RHBDD1: variants seen among roughly 807,000 people sequenced by gnomAD.
The protein encoded by RHBDD1 is rhomboid-related protein 4.
Under a neutral mutation model 36.3 loss-of-function variants are expected in RHBDD1, and 38 were observed. The ratio of observed to expected loss-of-function variants is 1.05; its 90% CI spans 0.81 to 1.37. The LOEUF (loss-of-function observed/expected upper bound fraction) is 1.37, where lower values mean the gene tolerates loss of function less well. Among genes scored for constraint, RHBDD1 ranks in the 40% most tolerant of loss-of-function variants. The pLI is 0.00. For synonymous variants in RHBDD1, 151 were observed against 136.5 expected, an observed-to-expected ratio of 1.11 and a Z score of -0.74; for missense variants, 393 against 377.6, an observed-to-expected ratio of 1.04 and a Z score of -0.34.
intron 5 of RHBDD1, among the ~76,000 whole-genome samples, chr2:226,892,084 G>A (rs533863115): frequency 6.6e-6 from 1 of 152,296 alleles, no homozygotes; most frequent in South Asian, 2.1e-4. Context: ...GGTGACTTTT[G>A]TTCACAAATG....
intron 5 of RHBDD1, among the ~76,000 whole-genome samples, chr2:226,905,202 T>A (rs754724113): frequency 2.0e-5 from 3 of 151,620 alleles, no homozygotes; most frequent in Non-Finnish European, 2.9e-5. Flanking sequence ...AATGTATGAA[T>A]GAGACACCAT....
In RHBDD1 at chr2:226,863,207, C is replaced by G. The variant is rs537818192; in HGVS notation, c.-90-1397C>G. On this transcript the variant is annotated intron_variant, in intron 3 of 8. Transcript: ENST00000392062. ...TACTAAAAATAGCCAGGCATGGTGA[C>G]ACATGCCTGTAATCCCAGCTACTCA... Among the ~76,000 whole-genome samples, 5 of 152,262 alleles carry G rather than the reference C, an allele frequency of 3.3e-5. No individual in the cohort carries two copies. In the South Asian group the frequency reaches 1.0e-3, roughly 32 times the overall value.
chr2:226,808,853 A>G, the RHBDD1 span, among the ~76,000 whole-genome samples: 1 of 151,474 alleles, frequency 6.6e-6, no homozygotes, highest in Admixed American at 6.6e-5. Flanking sequence ...ACAGTTCTTG[A>G]TGGAAGTAGT....
chr2:226,879,196 T>C (rs889938045), intron 5 of RHBDD1, among the ~76,000 whole-genome samples: 1 of 152,084 alleles, frequency 6.6e-6, no homozygotes, highest in African/African-American at 2.4e-5. Context: ...CTAAAATAAG[T>C]TTTTATGTGG....
At chr2:226,904,486 G>C (rs1947877521) in intron 5 of RHBDD1, among the ~76,000 whole-genome samples, 1 of 152,010 alleles carries the variant, frequency 6.6e-6, no homozygotes, top group African/African-American at 2.4e-5. Flanking sequence ...CTCCTGAGGG[G>C]ATGATCGTGT....
chr2:226,990,853 A>T (rs1395727096), intron 8 of RHBDD1, among the ~76,000 whole-genome samples: 1 of 152,168 alleles, frequency 6.6e-6, no homozygotes, highest in Non-Finnish European at 1.5e-5. Flanking sequence ...ATTGACAAAA[A>T]CACAGAGGCA....
chr2:226,856,749 T>C (rs2125136513), intron 3 of RHBDD1, among the ~76,000 whole-genome samples: 1 of 152,372 alleles, frequency 6.6e-6, no homozygotes, highest in African/African-American at 2.4e-5. Flanking sequence ...GATGCACTAA[T>C]TTGCTGTCTA....
At chr2:226,816,102 G>T in the RHBDD1 span, among the ~76,000 whole-genome samples, 1 of 152,152 alleles carries the variant, frequency 6.6e-6, no homozygotes, top group African/African-American at 2.4e-5. Flanking sequence ...CAAAGCCTCT[G>T]ACTAAGGTCA....
Position 226,882,038 on chromosome 2 carries a change from A to G in RHBDD1, c.566+14720A>G, listed in dbSNP as rs78574562. On this transcript the variant is annotated intron_variant, in intron 5 of 8. Coordinates refer to ENST00000392062, the MANE Select transcript of RHBDD1 (RefSeq NM_001167608.3). ...TTAGGTTCTATAAGTAATAGCATAGATGATGCTTATGGATAATTTCTTTTT... is the reference window on the plus strand; with the variant it reads ...TTAGGTTCTATAAGTAATAGCATAGGTGATGCTTATGGATAATTTCTTTTT... Among the ~76,000 whole-genome samples, 42 of 152,344 alleles carry G rather than the reference A, an allele frequency of 2.8e-4. No individual in the cohort carries two copies. The East Asian group carries it at 7.7e-3, about 28-fold the overall frequency.
At chr2:226,862,685 G>T (rs887152105) in intron 3 of RHBDD1, among the ~76,000 whole-genome samples, 2 of 152,114 alleles carry the variant, frequency 1.3e-5, no homozygotes, top group African/African-American at 4.8e-5. Context: ...TCCCTCCCTG[G>T]CTTAGTCCGT....
chr2:226,852,522 T>A (rs770602409), intron 3 of RHBDD1, among the ~76,000 whole-genome samples: 7 of 152,040 alleles, frequency 4.6e-5, no homozygotes, highest in Admixed American at 6.6e-5. Context: ...CATGTGAGTA[T>A]ATAACAGAAA....
At chr2:226,985,060 T>TA (rs2045914524) in intron 8 of RHBDD1, among the ~76,000 whole-genome samples, 1 of 152,144 alleles carries the variant, frequency 6.6e-6, no homozygotes, top group African/African-American at 2.4e-5. Flanking sequence ...TTTTGAGTAT[T>TA]ACTGCATCCA....
chr2:226,818,267 C>T, the RHBDD1 span, among the ~76,000 whole-genome samples: 2 of 146,740 alleles, frequency 1.4e-5, no homozygotes, highest in African/African-American at 2.5e-5. Flanking sequence ...TCACACCATT[C>T]TCCTGCCTCA....
the RHBDD1 span, among the ~76,000 whole-genome samples, chr2:226,800,576 C>G: frequency 6.6e-6 from 1 of 152,128 alleles, no homozygotes; most frequent in Non-Finnish European, 1.5e-5. Context: ...CTCCCCTTGC[C>G]CATCCGTGTG....
At chr2:226,903,367 G>A (rs190145631) in intron 5 of RHBDD1, among the ~76,000 whole-genome samples, 71 of 152,248 alleles carry the variant, frequency 4.7e-4, no homozygotes, top group African/African-American at 1.6e-3. Context: ...CACCCAGGAC[G>A]TGAATCATCT....
chr2:226,912,853 G>A (rs888396046), intron 7 of RHBDD1, among the ~76,000 whole-genome samples: 1 of 152,026 alleles, frequency 6.6e-6, no homozygotes, highest in African/African-American at 2.4e-5. Context: ...TAAATTGTAT[G>A]GATGTCAATT....
At chr2:226,879,542 A>G (rs561978830) in intron 5 of RHBDD1, among the ~76,000 whole-genome samples, 14 of 152,202 alleles carry the variant, frequency 9.2e-5, no homozygotes, top group South Asian at 2.1e-4. Context: ...AGTTATAAAC[A>G]AAGTTATTAG....
chr2:226,855,132 A>G (rs1255847696), intron 3 of RHBDD1, among the ~76,000 whole-genome samples: 1 of 152,206 alleles, frequency 6.6e-6, no homozygotes, highest in Non-Finnish European at 1.5e-5. Context: ...CCACTAAGGG[A>G]TCAGAAATTT....
chr2:226,868,915 C>CCTCTCTTT (rs1337583509), intron 5 of RHBDD1, among the ~76,000 whole-genome samples: 1 of 152,068 alleles, frequency 6.6e-6, no homozygotes, highest in Non-Finnish European at 1.5e-5. Context: ...TCTGAACAGC[C>CCTCTCTTT]CTCTCTATAC....
Sources: allele counts gnomAD v4.1 joint callset (sites outside exome capture counted in the v4.1 genomes callset), GRCh38; gene constraint gnomAD v4.1.1; transcripts MANE v1.5; gene names NCBI Gene and HGNC (gene_info 2026-07-23, HGNC 2026-07-21).